Variants in SHB observed in about 807,000 individuals in gnomAD.
SHB encodes SH2 domain containing adaptor protein B.
Under a neutral mutation model 52.3 loss-of-function variants are expected in SHB, and 20 were observed. The ratio of observed to expected loss-of-function variants is 0.38; its 90% CI spans 0.27 to 0.56. The LOEUF is 0.56. Among genes scored for constraint, SHB ranks in the 20% least tolerant of loss-of-function variants. The pLI is 0.71. For synonymous variants in SHB, 397 were observed against 316.5 expected (o/e 1.25, Z -2.70); for missense variants, 825 against 723.3 (o/e 1.14, Z -1.61).
At chr9:38,055,936 G>A (rs1821808846) in intron 1 of SHB, among the ~76,000 whole-genome samples, 1 of 152,122 alleles carries the variant, frequency 6.6e-6, no homozygotes, top group Non-Finnish European at 1.5e-5. Flanking sequence ...ACACACCACA[G>A]CAGGTTTGGC....
At chr9:38,001,892 C>G (rs1451809569) in intron 2 of SHB, among the ~76,000 whole-genome samples, 1 of 152,198 alleles carries the variant, frequency 6.6e-6, no homozygotes, top group African/African-American at 2.4e-5. Flanking sequence ...GAGAAAAGGC[C>G]ATCTGCATCC....
chr9:37,938,306 G>A (rs1399198741), intron 5 of SHB, among the ~76,000 whole-genome samples: 2 of 152,162 alleles, frequency 1.3e-5, no homozygotes, highest in African/African-American at 4.8e-5. Context: ...CCTGATCACA[G>A]CCTTCCTCTC....
chr9:38,049,056 T>C (rs571835700), intron 1 of SHB, among the ~76,000 whole-genome samples: 9 of 152,238 alleles, frequency 5.9e-5, no homozygotes, highest in Non-Finnish European at 1.2e-4. Context: ...AGTCTCGCTC[T>C]GTCACCTAGA....
chr9:38,055,566 C>G (rs1821802809), intron 1 of SHB, among the ~76,000 whole-genome samples: 1 of 152,146 alleles, frequency 6.6e-6, no homozygotes, highest in African/African-American at 2.4e-5. Context: ...AACTCTCCCA[C>G]CAGCCATACC....
At position 38,068,283 on chromosome 9, in the gene SHB, T is replaced by A. The variant is rs1051169856; in HGVS notation, c.363A>T (p.Pro121=). Residue 121 remains proline (P), a synonymous_variant, in exon 1 of 6, where the codon CCA becomes CCT. Transcript: ENST00000377707. Reference sequence around the variant, plus strand: ...CCGAGAAGGCGCGCTGGACCCCGCCTGGCTCCCCGCTGCCGCCGCAGTAGT... The same window carrying A: ...CCGAGAAGGCGCGCTGGACCCCGCCAGGCTCCCCGCTGCCGCCGCAGTAGT... ...RLDYCGGSGE[P]GGVQRAFSAS... The A allele has an allele frequency of 6.8e-7, 1 of 1,476,362 alleles. No individual in the cohort carries two copies. Among genetic ancestry groups the A allele is most frequent in the African/African-American group, 1.5e-5 (1 of 68,092 alleles). The allele number at this position is 1,476,362 out of a possible 1,614,324, so 91.5% of individuals were successfully genotyped here.
At chr9:37,973,832 G>C (rs557752955) in intron 3 of SHB, among the ~76,000 whole-genome samples, 19 of 152,170 alleles carry the variant, frequency 1.2e-4, no homozygotes, top group Non-Finnish European at 2.8e-4. Flanking sequence ...AGAAGACACA[G>C]TGGTCCTGTG....
chr9:37,985,851 C>T (rs951914306), intron 2 of SHB, among the ~76,000 whole-genome samples: 3 of 151,518 alleles, frequency 2.0e-5, no homozygotes, highest in Non-Finnish European at 4.4e-5. Context: ...AGTTGGACAG[C>T]AGTGAGCGCC....
intron 1 of SHB, among the ~76,000 whole-genome samples, chr9:38,040,925 A>G (rs1317798594): frequency 6.6e-6 from 1 of 151,910 alleles, no homozygotes; most frequent in Non-Finnish European, 1.5e-5. Flanking sequence ...GGTGGGAATA[A>G]AGCCACACTG....
At position 38,068,375 on chromosome 9, in the gene SHB, C is replaced by A; in HGVS notation, c.271G>T (p.Asp91Tyr). The change falls in exon 1 of 6, where the codon GAC becomes TAC. Residue 91 changes from aspartate to tyrosine, a missense_variant. Asp to Tyr is a radical substitution (Grantham distance 160). Coordinates refer to ENST00000377707, the MANE Select transcript of SHB (RefSeq NM_003028.3). ...IRAYRAQKER[D>Y]FEDPYNGPGS... The stretch of plus-strand genomic sequence containing the variant: ...GGCCCGTTGTAGGGGTCCTCGAAGT[C>A]TCGCTCCTTCTGCGCGCGGTAGGCG... 1 of 1,571,304 alleles carries A rather than the reference C, an allele frequency of 6.4e-7. No individual in the cohort carries two copies. The highest frequency in any genetic ancestry group is 2.5e-5 in the East Asian group (1 of 40,278).
At chr9:37,958,711 TA>T (rs1213997005) in intron 3 of SHB, among the ~76,000 whole-genome samples, 1 of 152,154 alleles carries the variant, frequency 6.6e-6, no homozygotes, top group Non-Finnish European at 1.5e-5. Flanking sequence ...GATAGTGGCC[TA>T]AAACCTGGAG....
At chr9:37,983,249 G>A (rs966301787) in intron 2 of SHB, among the ~76,000 whole-genome samples, 1 of 152,210 alleles carries the variant, frequency 6.6e-6, no homozygotes, top group Non-Finnish European at 1.5e-5. Context: ...TAGACAGGAG[G>A]TCATAGCACA....
At chr9:38,019,196 G>A (rs116147304) in intron 1 of SHB, among the ~76,000 whole-genome samples, 1,790 of 152,266 alleles carry the variant, frequency 0.012, 33 homozygotes, top group African/African-American at 0.041. Context: ...TTGTTTGCTC[G>A]GCCTCTTGGG....
At chr9:37,924,220 C>T (rs888726583) in intron 5 of SHB, among the ~76,000 whole-genome samples, 1 of 152,146 alleles carries the variant, frequency 6.6e-6, no homozygotes, top group Non-Finnish European at 1.5e-5. Context: ...CAAAAAGCAC[C>T]TCCTCATCAT....
chr9:37,972,688 T>C (rs1015983220), intron 3 of SHB, among the ~76,000 whole-genome samples: 2 of 152,182 alleles, frequency 1.3e-5, no homozygotes, highest in African/African-American at 4.8e-5. Flanking sequence ...CATAGAATTG[T>C]TCCAGATAAG....
At chr9:37,980,330 G>C (rs1037251085) in intron 2 of SHB, among the ~76,000 whole-genome samples, 1 of 152,182 alleles carries the variant, frequency 6.6e-6, no homozygotes, top group African/African-American at 2.4e-5. Flanking sequence ...AATGTTCCCA[G>C]CATCTTCATC....
chr9:37,982,076 C>T (rs566708885), intron 2 of SHB, among the ~76,000 whole-genome samples: 186 of 151,456 alleles, frequency 1.2e-3, no homozygotes, highest in Admixed American at 3.2e-3. Flanking sequence ...AGGAAGGTTG[C>T]CACAAACCTT....
intron 3 of SHB, among the ~76,000 whole-genome samples, chr9:37,972,175 T>C (rs965711587): frequency 3.9e-5 from 6 of 152,180 alleles, no homozygotes; most frequent in African/African-American, 1.4e-4. Flanking sequence ...TGCATTATAA[T>C]GTGGGTCCTC....
intron 5 of SHB, among the ~76,000 whole-genome samples, chr9:37,928,520 G>A (rs1360085413): frequency 6.6e-6 from 1 of 152,190 alleles, no homozygotes; most frequent in African/African-American, 2.4e-5. Flanking sequence ...GTAAGAGGAG[G>A]CCAGGGACGC....
chr9:38,035,058 C>A (rs1016621492), intron 1 of SHB, among the ~76,000 whole-genome samples: 2 of 152,018 alleles, frequency 1.3e-5, no homozygotes, highest in Admixed American at 1.3e-4. Context: ...GACTCTCCCC[C>A]ACGTCTCATG....
Sources: gnomAD v4.1 joint callset for allele counts (sites outside exome capture counted in the v4.1 genomes callset) on GRCh38, gnomAD v4.1.1 for gene constraint, MANE v1.5 for transcripts, NCBI Gene and HGNC (gene_info 2026-07-23, HGNC 2026-07-21) for gene names.